SLC2A12: variants seen among roughly 807,000 people sequenced by gnomAD.
SLC2A12 encodes the protein solute carrier family 2 member 12.
A neutral mutation model predicts 41.8 loss-of-function variants in SLC2A12; 23 were observed. That is an observed-to-expected ratio of 0.55 (90% CI 0.40 to 0.78). SLC2A12 has a LOEUF of 0.78. Ranked by LOEUF, SLC2A12 falls within the 30% of genes least tolerant of loss-of-function variation. The pLI is 0.00. For synonymous variants in SLC2A12, 295 were observed against 285.9 expected (o/e 1.03, Z -0.32); for missense variants, 654 against 745.6 (o/e 0.88, Z 1.43).
intron 2 of SLC2A12, among the ~76,000 whole-genome samples, chr6:134,019,230 T>A (rs1198888537): frequency 6.6e-6 from 1 of 152,216 alleles, no homozygotes; most frequent in Admixed American, 6.5e-5. Flanking sequence ...TCACATATAT[T>A]TTCCGGAGTT....
At chr6:134,020,040 AAAG>A (rs1003750248) in intron 2 of SLC2A12, among the ~76,000 whole-genome samples, 4 of 151,936 alleles carry the variant, frequency 2.6e-5, no homozygotes, top group African/African-American at 9.7e-5. Context: ...AAAAAAAAAA[AAAG>A]TATGTAAGAT....
Position 133,988,531 on chromosome 6 carries a change from A to G in SLC2A12, c.*2624T>C, listed in dbSNP as rs1027510058. On this transcript the variant is annotated 3_prime_UTR_variant, in exon 5 of 5. Transcript: ENST00000275230. The stretch of plus-strand genomic sequence containing the variant: ...ACATCCTAATCTCCATATATAGTAC[A>G]TTTTCCTTACTGTATTATAAAATCT... The G allele has an allele frequency of 2.0e-5, 3 of 152,186 alleles. No individual in the cohort carries two copies. The highest frequency in any genetic ancestry group is 7.2e-5 in the African/African-American group (3 of 41,434). 9.4% of individuals were successfully genotyped at this position (152,186 alleles called of 1,614,324 possible).
At chr6:134,017,156 T>A (rs1776973150) in intron 2 of SLC2A12, among the ~76,000 whole-genome samples, 1 of 152,206 alleles carries the variant, frequency 6.6e-6, no homozygotes, top group Non-Finnish European at 1.5e-5. Flanking sequence ...TACATTTTTT[T>A]AAATGGCCTT....
chr6:134,051,310 T>A (rs1773681014), intron 1 of SLC2A12, among the ~76,000 whole-genome samples: 1 of 152,110 alleles, frequency 6.6e-6, no homozygotes, highest in Non-Finnish European at 1.5e-5. Flanking sequence ...AGAGGGCCGC[T>A]TCATGCCTCG....
intron 2 of SLC2A12, among the ~76,000 whole-genome samples, chr6:134,013,315 T>C (rs1776912914): frequency 1.3e-5 from 2 of 152,030 alleles, no homozygotes; most frequent in Non-Finnish European, 2.9e-5. Context: ...ATAATAATAA[T>C]GTTTTAAAAT....
chr6:133,991,329 A>T (rs1776620915), intron 4 of SLC2A12, 21 bp from the exon 5 acceptor site: 1 of 1,606,488 alleles, frequency 6.2e-7, no homozygotes, highest in African/African-American at 1.3e-5. Context: ...AAGAGGCACT[A>T]ATGAAAATGT....
chr6:134,029,455 A>G lies in SLC2A12; in HGVS notation c.370T>C (p.Leu124=). 1.2e-6 allele frequency: 2 copies of G among 1,614,172 alleles called. 1 individual carries two copies. Among genetic ancestry groups the G allele is most frequent in the South Asian group, 2.2e-5 (2 of 91,084 alleles). Residue 124 remains leucine, a synonymous_variant, in exon 2 of 5, where the codon TTG becomes CTG. Transcript: ENST00000275230. ...SCLLGLGSLV[L]ILSLSYTVLI... Reference sequence around the variant, plus strand: ...ACCGTGTAGGATAAACTGAGGATCAAGACTAAGCTTCCGAGTCCAAGCAGG... The same window carrying G: ...ACCGTGTAGGATAAACTGAGGATCAGGACTAAGCTTCCGAGTCCAAGCAGG...
At chr6:134,005,523 G>C (rs1776800990) in intron 3 of SLC2A12, among the ~76,000 whole-genome samples, 1 of 151,590 alleles carries the variant, frequency 6.6e-6, no homozygotes, top group Non-Finnish European at 1.5e-5. Flanking sequence ...AGCCAGGCTT[G>C]GTGGTGCGCA....
intron 1 of SLC2A12, among the ~76,000 whole-genome samples, chr6:134,041,478 TCAAA>T (rs1777380697): frequency 6.6e-6 from 1 of 150,820 alleles, no homozygotes; most frequent in Non-Finnish European, 1.5e-5. Context: ...GAAAGTTGTG[TCAAA>T]CAAAAAAAAA....
intron 4 of SLC2A12, among the ~76,000 whole-genome samples, chr6:133,993,019 T>C (rs995204494): frequency 1.3e-5 from 2 of 152,222 alleles, no homozygotes; most frequent in African/African-American, 4.8e-5. Context: ...TGCTTACATC[T>C]GTCTTTGTGC....
Position 134,028,636 on chromosome 6 carries a change from G to A in SLC2A12, c.1189C>T (p.Leu397=), listed in dbSNP as rs1262846782. ...DESVIYGPGN[L]STNNNTLRDH... Reference sequence around the variant, plus strand: ...CTGAGAGTATTGTTGTTGGTTGACAGGTTTCCTGGTCCATAAATCACAGAC... The same window carrying A: ...CTGAGAGTATTGTTGTTGGTTGACAAGTTTCCTGGTCCATAAATCACAGAC... Residue 397 remains leucine, a synonymous_variant, in exon 2 of 5, where the codon CTG becomes TTG. Transcript: ENST00000275230. 1.2e-6 allele frequency: 2 copies of A among 1,614,074 alleles called. No individual in the cohort carries two copies. Among genetic ancestry groups the A allele is most frequent in the Non-Finnish European group, 1.7e-6 (2 of 1,180,044 alleles).
intron 1 of SLC2A12, among the ~76,000 whole-genome samples, chr6:134,032,793 T>A (rs1582620302): frequency 3.1e-5 from 1 of 32,276 alleles, no homozygotes; most frequent in Non-Finnish European, 5.7e-5. Context: ...ATATATATAT[T>A]ATATATATAT....
rs1435995438 is a variant in SLC2A12, at chr6:134,032,442, ATATATAAATATATATATATATATTTT to A, written c.104-2747_104-2722del. 8.1e-3 allele frequency among the ~76,000 whole-genome samples: 297 copies of A among 36,620 alleles called. 8 individuals carry two copies. The highest frequency in any genetic ancestry group is 0.017 in the African/African-American group (137 of 8,092). 24.0% of individuals were successfully genotyped at this position (36,620 alleles called of 152,430 possible). Reference sequence around the variant, plus strand: ...TATATATATTTATATATATATATATATATATAAATATATATATATATATTTTTATATATATATATATATATTTGTTC... The same window carrying A: ...TATATATATTTATATATATATATATATATATATATATATATATATTTGTTC... On this transcript the variant is annotated intron_variant, in intron 1 of 4. Transcript: ENST00000275230.
Position 133,990,880 on chromosome 6 carries a change from G to C in SLC2A12, c.*275C>G. On this transcript the variant is annotated 3_prime_UTR_variant, in exon 5 of 5. Transcript: ENST00000275230. ...TATTCAAAGGCTGCTCTGTGAAGAA[G>C]GTAGAAAGTATTAAACCAGCCAGTA... is the stretch of plus-strand genomic sequence containing the variant. 3.3e-6 allele frequency: 1 copy of C among 307,062 alleles called. No homozygotes were observed. 19.0% of individuals were successfully genotyped at this position (307,062 alleles called of 1,614,324 possible). A position where few individuals can be genotyped will look rare whatever the true frequency, so the allele number is the denominator to read the frequency against.
rs147005876 is a variant in SLC2A12 at position 134,009,417 on chromosome 6, A to G, written c.1445-2483T>C. Among the ~76,000 whole-genome samples, 170 of 152,310 alleles carry G rather than the reference A, an allele frequency of 1.1e-3. 1 individual carries two copies. The highest frequency in any genetic ancestry group is 4.0e-3 in the African/African-American group (167 of 41,576). On this transcript the variant is annotated intron_variant, in intron 2 of 4. Coordinates refer to ENST00000275230, the MANE Select transcript of SLC2A12 (RefSeq NM_145176.3). Reference sequence around the variant, plus strand: ...AGTCTACTTCTTTTTTGATTGAATGAAGGAATTAAAGAATTGATGGCTTGG... The same window carrying G: ...AGTCTACTTCTTTTTTGATTGAATGGAGGAATTAAAGAATTGATGGCTTGG...
At chr6:134,008,617 A>G (rs1364788783) in intron 2 of SLC2A12, among the ~76,000 whole-genome samples, 1 of 152,220 alleles carries the variant, frequency 6.6e-6, no homozygotes, top group African/African-American at 2.4e-5. Context: ...GTGCTCAGGT[A>G]ACCCTGTCTT....
intron 4 of SLC2A12, among the ~76,000 whole-genome samples, chr6:133,997,306 A>G (rs979457062): frequency 7.2e-5 from 11 of 152,094 alleles, no homozygotes; most frequent in Admixed American, 2.0e-4. Context: ...ATTACTGAGT[A>G]TATACCCAAA....
At chr6:134,027,916 T>C (rs1360165987) in intron 2 of SLC2A12, among the ~76,000 whole-genome samples, 1 of 152,208 alleles carries the variant, frequency 6.6e-6, no homozygotes, top group East Asian at 1.9e-4. Context: ...TAATACATCC[T>C]CCTTCTCAGC....
At chr6:134,004,560 G>A (rs1358295953) in intron 3 of SLC2A12, among the ~76,000 whole-genome samples, 2 of 152,096 alleles carry the variant, frequency 1.3e-5, no homozygotes, top group Non-Finnish European at 2.9e-5. Context: ...GAAGAAATTA[G>A]GTTATTTGTT....
Sources: allele counts gnomAD v4.1 joint callset (sites outside exome capture counted in the v4.1 genomes callset), GRCh38; gene constraint gnomAD v4.1.1; transcripts MANE v1.5; gene names NCBI Gene and HGNC (gene_info 2026-07-23, HGNC 2026-07-21).